NKAIN2: variants seen among roughly 807,000 people sequenced by gnomAD.
NKAIN2 encodes sodium/potassium-transporting ATPase subunit beta-1-interacting protein 2.
NKAIN2 carries 14 observed loss-of-function variants against 32.6 expected under a neutral mutation model. That is an observed-to-expected ratio of 0.43 (90% confidence interval 0.28 to 0.67). The LOEUF (loss-of-function observed/expected upper bound fraction) is 0.67, where lower values mean the gene tolerates loss of function less well. Among genes scored for constraint, NKAIN2 ranks in the 30% least tolerant of loss-of-function variants. The pLI, the probability that NKAIN2 is intolerant of heterozygous loss-of-function variation, is 0.17. For missense variants in NKAIN2, 198 were observed against 258.3 expected, an observed-to-expected ratio of 0.77 and a Z score of 1.60; for synonymous variants, 80 against 87.2, an observed-to-expected ratio of 0.92 and a Z score of 0.46.
intron 1 of NKAIN2, among the ~76,000 whole-genome samples, chr6:124,116,535 A>G: frequency 6.6e-6 from 1 of 152,262 alleles, no homozygotes; most frequent in South Asian, 2.1e-4. Flanking sequence ...AGATTTTCTT[A>G]TGAAGGATCC....
intron 1 of NKAIN2, among the ~76,000 whole-genome samples, chr6:124,111,432 A>T (rs1413034266): frequency 6.6e-6 from 1 of 152,028 alleles, no homozygotes; most frequent in Admixed American, 6.6e-5. Flanking sequence ...TTCTTGACGC[A>T]TTGACCCTTT....
At chr6:124,728,748 A>C (rs1488050586) in intron 4 of NKAIN2, among the ~76,000 whole-genome samples, 1 of 151,762 alleles carries the variant, frequency 6.6e-6, no homozygotes, top group Non-Finnish European at 1.5e-5. Flanking sequence ...AAAACCCTTC[A>C]AAAAATTAAT....
intron 4 of NKAIN2, among the ~76,000 whole-genome samples, chr6:124,726,806 T>C (rs916663831): frequency 1.6e-4 from 22 of 136,002 alleles, no homozygotes; most frequent in African/African-American, 5.9e-4. Flanking sequence ...TTGAAAACTT[T>C]GAAAAAAATT....
chr6:124,567,605 A>G (rs2114909474), intron 3 of NKAIN2, among the ~76,000 whole-genome samples: 1 of 152,310 alleles, frequency 6.6e-6, no homozygotes, highest in South Asian at 2.1e-4. Context: ...AACAATAAGC[A>G]TTTAGTTCTC....
At chr6:123,934,532 T>G (rs1054443657) in intron 1 of NKAIN2, among the ~76,000 whole-genome samples, 1 of 152,174 alleles carries the variant, frequency 6.6e-6, no homozygotes, top group Non-Finnish European at 1.5e-5. Flanking sequence ...TTACTTATTC[T>G]TTTATGTGCA....
intron 3 of NKAIN2, among the ~76,000 whole-genome samples, chr6:124,521,709 TA>T (rs1562235576): frequency 6.6e-6 from 1 of 152,210 alleles, no homozygotes; most frequent in African/African-American, 2.4e-5. Context: ...TTTACTCTTA[TA>T]ACCCTGAAAT....
At chr6:124,045,365 CA>C (rs752401931) in intron 1 of NKAIN2, among the ~76,000 whole-genome samples, 76 of 151,866 alleles carry the variant, frequency 5.0e-4, no homozygotes, top group Non-Finnish European at 1.0e-3. Context: ...TGAAAGAATG[CA>C]TGTCCTCTTG....
At chr6:124,179,457 A>G (rs747506724) in intron 1 of NKAIN2, among the ~76,000 whole-genome samples, 32 of 152,250 alleles carry the variant, frequency 2.1e-4, no homozygotes, top group Non-Finnish European at 3.7e-4. Context: ...GTAGGATCAA[A>G]TAATGTAAAC....
At chr6:124,815,289 T>TATATGTGTATATATATGTATATA (rs1781111652) in intron 5 of NKAIN2, among the ~76,000 whole-genome samples, 2 of 149,492 alleles carry the variant, frequency 1.3e-5, no homozygotes, top group Non-Finnish European at 1.5e-5. Flanking sequence ...TATGTATATA[T>TATATGTGTATATATATGTATATA]TTGAGACGGA....
At chr6:124,180,109 C>CTGTGTG (rs375274872) in intron 1 of NKAIN2, among the ~76,000 whole-genome samples, 18 of 149,728 alleles carry the variant, frequency 1.2e-4, no homozygotes, top group African/African-American at 3.9e-4. Flanking sequence ...TAGATATCTA[C>CTGTGTG]TGTGTGTGTG....
At chr6:123,808,591 G>A (rs994437859) in intron 1 of NKAIN2, among the ~76,000 whole-genome samples, 3 of 152,162 alleles carry the variant, frequency 2.0e-5, no homozygotes, top group African/African-American at 4.8e-5. Context: ...TCACAAAGCA[G>A]GTAGCGACTT....
intron 1 of NKAIN2, among the ~76,000 whole-genome samples, chr6:124,179,782 AAAG>A: frequency 6.6e-6 from 1 of 152,336 alleles, no homozygotes; most frequent in East Asian, 1.9e-4. Flanking sequence ...TGCAAACATC[AAAG>A]AAGGTTTCTA....
intron 1 of NKAIN2, among the ~76,000 whole-genome samples, chr6:124,029,686 A>G (rs2114783138): frequency 6.6e-6 from 1 of 152,232 alleles, no homozygotes; most frequent in East Asian, 1.9e-4. Context: ...GGGATCCCCA[A>G]CCCCCAGGTC....
chr6:124,438,106 A>G (rs1775538043), intron 3 of NKAIN2, among the ~76,000 whole-genome samples: 3 of 152,194 alleles, frequency 2.0e-5, no homozygotes, highest in African/African-American at 7.2e-5. Context: ...GGCTTTCTCA[A>G]CACATAGCTT....
At chr6:124,655,565 A>G (rs1283015625) in intron 3 of NKAIN2, among the ~76,000 whole-genome samples, 1 of 151,868 alleles carries the variant, frequency 6.6e-6, no homozygotes, top group African/African-American at 2.4e-5. Flanking sequence ...GCTTGGGACT[A>G]AGGGGCTTCC....
intron 1 of NKAIN2, among the ~76,000 whole-genome samples, chr6:124,026,008 T>A (rs930734324): frequency 3.3e-5 from 5 of 152,178 alleles, no homozygotes; most frequent in African/African-American, 9.7e-5. Flanking sequence ...AGGAATATTA[T>A]ACTGAGACAC....
rs578178615 is a variant in NKAIN2, at chr6:124,743,019, A to G, written c.475-48320A>G. Among the ~76,000 whole-genome samples, 5 of 152,054 alleles carry G rather than the reference A, an allele frequency of 3.3e-5. No individual in the cohort carries two copies. In the East Asian group the frequency reaches 9.7e-4, roughly 30 times the overall value. On this transcript the variant is annotated intron_variant, in intron 4 of 6. Transcript: ENST00000368417. The stretch of plus-strand genomic sequence containing the variant: ...TGTTATTAATCTCTTTCACTGCTCC[A>G]TGATCAGCATCTGGCAGTGTGTCCA...
chr6:124,451,139 T>G (rs763579179), intron 3 of NKAIN2, among the ~76,000 whole-genome samples: 4 of 152,120 alleles, frequency 2.6e-5, no homozygotes, highest in Admixed American at 1.3e-4. Flanking sequence ...AAATCACTTA[T>G]CTATATTCAT....
chr6:123,874,463 G>A (rs550542130), intron 1 of NKAIN2, among the ~76,000 whole-genome samples: 1 of 152,114 alleles, frequency 6.6e-6, no homozygotes, highest in Non-Finnish European at 1.5e-5. Flanking sequence ...TGAGTAGGGG[G>A]AAATGGATAT....
Sources: gnomAD v4.1 joint callset for allele counts (sites outside exome capture counted in the v4.1 genomes callset) on GRCh38, gnomAD v4.1.1 for gene constraint, MANE v1.5 for transcripts, NCBI Gene and HGNC (gene_info 2026-07-23, HGNC 2026-07-21) for gene names.